Variants in PRDM4 observed in about 807,000 individuals in gnomAD.
PRDM4 encodes the protein PR/SET domain 4, also known as PR domain zinc finger protein 4.
Under a neutral mutation model 62.3 loss-of-function variants are expected in PRDM4, and 38 were observed. That is an observed-to-expected ratio of 0.61 (90% confidence interval 0.47 to 0.80). The LOEUF is 0.80. Ranked by LOEUF, PRDM4 falls within the 30% of genes least tolerant of loss-of-function variation. PRDM4 has a pLI of 0.00. For missense variants in PRDM4, 858 were observed against 997.1 expected, an observed-to-expected ratio of 0.86 and a Z score of 1.88; for synonymous variants, 339 against 348.2, an observed-to-expected ratio of 0.97 and a Z score of 0.30.
intron 5 of PRDM4, among the ~76,000 whole-genome samples, chr12:107,748,372 T>C (rs927053468): frequency 8.5e-5 from 13 of 152,062 alleles, no homozygotes; most frequent in Non-Finnish European, 1.3e-4. Context: ...ACACAAAAAC[T>C]TGTACATGAG....
chr12:107,734,655 A>C (rs1890270836), intron 11 of PRDM4, 133 bp from the exon 12 acceptor site: 16 of 791,938 alleles, frequency 2.0e-5, no homozygotes, highest in Non-Finnish European at 2.9e-5. Flanking sequence ...CATAGGTGAT[A>C]TACAGAAGAC....
At chr12:107,739,148 G>A (rs1890433793) in intron 11 of PRDM4, 1 of 434,774 alleles carries the variant, frequency 2.3e-6, no homozygotes, top group Non-Finnish European at 4.1e-6. Flanking sequence ...TGTGAAAAAA[G>A]AGTACATGTG....
In PRDM4 at chr12:107,741,119, T is replaced by C. The variant is rs569949388; in HGVS notation, c.1751A>G (p.His584Arg). The change falls in exon 10 of 12, where the codon CAC becomes CGC. Residue 584 changes from histidine (H) to arginine (R), a missense_variant. Physicochemically the swap from His to Arg is conservative, Grantham distance 29. Around this residue, in one of 3 missense-constraint regions of PRDM4, gnomAD observed 355 missense variants for 432.6 expected, o/e 0.82. Coordinates refer to ENST00000228437, the MANE Select transcript of PRDM4 (RefSeq NM_012406.4). ...QGHSGSHGPS[H>R]SKERKWKCSM... ...GCACTTCCACTTCCTTTCTTTGCTGTGACTTGGCCCATGGCTGCCGCTATG... is the reference window on the plus strand; with the variant it reads ...GCACTTCCACTTCCTTTCTTTGCTGCGACTTGGCCCATGGCTGCCGCTATG... The C allele has an allele frequency of 2.5e-6, 4 of 1,614,188 alleles. No individual in the cohort carries two copies. The African/African-American group carries it at 5.3e-5, about 22-fold the overall frequency.
At chr12:107,757,019 T>C (rs1891086008) in intron 2 of PRDM4, 54 bp from the exon 3 acceptor site, 1 of 1,576,176 alleles carries the variant, frequency 6.3e-7, no homozygotes. Context: ...AATGACTCTG[T>C]ATTAAGATAC....
intron 6 of PRDM4, 97 bp from the exon 7 acceptor site, chr12:107,744,758 A>G (rs773617329): frequency 6.6e-7 from 1 of 1,512,712 alleles, no homozygotes; most frequent in African/African-American, 1.4e-5. Context: ...CTTATTTTCA[A>G]TGAATTTAAC....
chr12:107,739,451 C>G lies in PRDM4; in HGVS notation c.2025G>C (p.Lys675Asn), dbSNP rs773971682. 2 of 1,613,866 alleles carry G rather than the reference C, an allele frequency of 1.2e-6. No individual in the cohort carries two copies. Among genetic ancestry groups the G allele is most frequent in the Non-Finnish European group, 1.7e-6 (2 of 1,179,868 alleles). The change falls in exon 11 of 12, where the codon AAG (lysine) becomes AAC (asparagine). Residue 675 changes from lysine (K) to asparagine (N), a missense_variant. By Grantham distance (94) the Lys-to-Asn change is moderately conservative. Coordinates refer to ENST00000228437, the MANE Select transcript of PRDM4 (RefSeq NM_012406.4). The stretch of plus-strand genomic sequence containing the variant: ...TAAACAACTTGTCACAGTAATCACA[C>G]TTAAGATTCTTCTCCCCAGTGTGGA... ...MVIHTGEKNL[K>N]CDYCDKLFMR...
At chr12:107,746,205 C>T (rs1593168414) in intron 6 of PRDM4, 70 bp downstream of exon 6, 7 of 1,547,810 alleles carry the variant, frequency 4.5e-6, no homozygotes, top group Admixed American at 3.8e-5. Flanking sequence ...TTATACACAT[C>T]CACTTTTACA....
chr12:107,753,523 C>T (rs1410792888), intron 4 of PRDM4, among the ~76,000 whole-genome samples: 1 of 152,150 alleles, frequency 6.6e-6, no homozygotes, highest in Non-Finnish European at 1.5e-5. Context: ...GGTTCCTTCC[C>T]TTATTTGCTA....
chr12:107,736,908 T>G (rs1890350871), intron 11 of PRDM4: 1 of 152,268 alleles, frequency 6.6e-6, no homozygotes, highest in Non-Finnish European at 1.5e-5. Flanking sequence ...TGGTGCCATT[T>G]AATGAGCTGC....
chr12:107,752,399 C>T (rs572172886), intron 4 of PRDM4, among the ~76,000 whole-genome samples, 190 bp from the exon 5 acceptor site: 8 of 151,962 alleles, frequency 5.3e-5, no homozygotes, highest in African/African-American at 1.2e-4. Context: ...CTGTAAAACT[C>T]GAAAATCCTA....
At chr12:107,734,988 A>AT (rs1343819320) in intron 11 of PRDM4, among the ~76,000 whole-genome samples, 2 of 152,024 alleles carry the variant, frequency 1.3e-5, no homozygotes, top group African/African-American at 2.4e-5. Flanking sequence ...ATTTTTTTAA[A>AT]TTTTTATTAT....
rs928479573 is a variant in PRDM4, at chr12:107,756,857, G to A, written c.120C>T (p.Pro40=). The A allele has an allele frequency of 1.2e-6, 2 of 1,614,010 alleles. No individual in the cohort carries two copies. Among genetic ancestry groups the A allele is most frequent in the Non-Finnish European group, 1.7e-6 (2 of 1,180,036 alleles). Residue 40 remains proline, a synonymous_variant, in exon 3 of 12, where the codon CCC becomes CCT. Transcript: ENST00000228437. The stretch of plus-strand genomic sequence containing the variant: ...CTGGGGCAGGGATGGCACTGTGAGT[G>A]GGTGAGGCAGCCAATCCCAGGTGAC... ...SGSHLGLAAS[P]THSAIPAPGL...
chr12:107,755,547 G>A (rs191769163), intron 3 of PRDM4, among the ~76,000 whole-genome samples: 48 of 152,252 alleles, frequency 3.2e-4, no homozygotes, highest in Non-Finnish European at 6.3e-4. Flanking sequence ...TAGTTTCAAT[G>A]AATCTTATTT....
intron 6 of PRDM4, among the ~76,000 whole-genome samples, 176 bp from the exon 7 acceptor site, chr12:107,744,837 A>G (rs1046278547): frequency 6.6e-6 from 1 of 152,228 alleles, no homozygotes; most frequent in Non-Finnish European, 1.5e-5. Flanking sequence ...AGGTGGGCAG[A>G]TCACCTGAGG....
At chr12:107,735,816 AACAGTT>A (rs1162177549) in intron 11 of PRDM4, among the ~76,000 whole-genome samples, 1 of 151,334 alleles carries the variant, frequency 6.6e-6, no homozygotes, top group Non-Finnish European at 1.5e-5. Context: ...CCCAATATGA[AACAGTT>A]AAAGCAGGTT....
At chr12:107,753,810 A>T in intron 4 of PRDM4, 114 bp downstream of exon 4, 1 of 1,001,296 alleles carries the variant, frequency 1.0e-6, no homozygotes, top group Admixed American at 3.1e-5. Flanking sequence ...CTGCCTAGAG[A>T]TTAATATCTA....
intron 11 of PRDM4, among the ~76,000 whole-genome samples, chr12:107,735,760 CTTTT>C (rs200366774): frequency 7.0e-6 from 1 of 143,432 alleles, no homozygotes. Context: ...AATTTTTTAG[CTTTT>C]TTTTTTTTTT....
intron 6 of PRDM4, among the ~76,000 whole-genome samples, chr12:107,745,756 TA>T (rs1280978599): frequency 2.0e-5 from 3 of 152,242 alleles, no homozygotes; most frequent in African/African-American, 7.2e-5. Context: ...GCTAAAAGAA[TA>T]ATGAACCTAA....
At chr12:107,737,192 G>C (rs937930943) in intron 11 of PRDM4, among the ~76,000 whole-genome samples, 5 of 151,946 alleles carry the variant, frequency 3.3e-5, no homozygotes, top group Non-Finnish European at 5.9e-5. Flanking sequence ...GGGACACTAG[G>C]GGGGGAACTC....
Sources: allele counts gnomAD v4.1 joint callset (sites outside exome capture counted in the v4.1 genomes callset), GRCh38; gene constraint gnomAD v4.1.1; regional missense constraint gnomAD v4.1.1; transcripts MANE v1.5; gene names NCBI Gene and HGNC (gene_info 2026-07-23, HGNC 2026-07-21).